Variants in ABR observed in about 807,000 individuals in gnomAD.
ABR encodes the protein ABR activator of RhoGEF and GTPase.
ABR carries 35 observed loss-of-function variants against 107.2 expected under a neutral mutation model. That is an observed-to-expected ratio of 0.33 (90% CI 0.25 to 0.43). The LOEUF (loss-of-function observed/expected upper bound fraction) is 0.43. Among genes scored for constraint, ABR ranks in the 20% least tolerant of loss-of-function variants. ABR has a pLI of 1.00. For synonymous variants in ABR, 498 were observed against 462.0 expected (o/e 1.08, Z -1.00); for missense variants, 815 against 1,115.2 (o/e 0.73, Z 3.83).
chr17:1,182,530 G>A (rs2042168404), upstream of ABR, among the ~76,000 whole-genome samples: 9 of 152,128 alleles, frequency 5.9e-5, no homozygotes, highest in Admixed American at 5.9e-4. Flanking sequence ...ACCACGCCTG[G>A]CTAATTTTTG....
At chr17:1,066,288 T>C (rs1333158635) in intron 10 of ABR, among the ~76,000 whole-genome samples, 1 of 152,196 alleles carries the variant, frequency 6.6e-6, no homozygotes, top group Non-Finnish European at 1.5e-5. Flanking sequence ...TGGCCTATTA[T>C]AGGATAAATG....
At chr17:1,143,030 ACAGCTCATTCCTGGGGGG>A (rs2040362356) in intron 1 of ABR, among the ~76,000 whole-genome samples, 5 of 63,820 alleles carry the variant, frequency 7.8e-5, no homozygotes, top group African/African-American at 2.5e-4. Context: ...CTCCTGGGGG[ACAGCTCATTCCTGGGGGG>A]CAGCTCGCTC....
chr17:1,203,431 C>CGGGGGGCGGGGCCCGCG (rs1344414914), intron 1 of ABR, among the ~76,000 whole-genome samples: 1 of 11,306 alleles, frequency 8.8e-5, no homozygotes, highest in Non-Finnish European at 1.5e-4. Flanking sequence ...GCGGGGCCCG[C>CGGGGGGCGGGGCCCGCG]GGGGACGGAG....
In ABR at chr17:1,174,443, C is replaced by A. The variant is rs548670972; in HGVS notation, c.61+5224G>T. Among the ~76,000 whole-genome samples, 5 of 152,164 alleles carry A rather than the reference C, an allele frequency of 3.3e-5. No homozygotes were observed. The East Asian group carries it at 7.7e-4, about 24-fold the overall frequency. ...CAGGCTGTCAGACCAGTGGCTTGGT[C>A]CCTGGTGTAGAGAATGTGGGGCTCA... On this transcript the variant is annotated intron_variant, in intron 1 of 22. Coordinates refer to ENST00000302538, the MANE Select transcript of ABR (RefSeq NM_021962.5).
At chr17:1,060,103 G>A (rs899632382) in intron 10 of ABR, among the ~76,000 whole-genome samples, 7 of 152,170 alleles carry the variant, frequency 4.6e-5, no homozygotes, top group African/African-American at 1.7e-4. Flanking sequence ...CAGAGCAGGA[G>A]GCAGTTGTTA....
At chr17:1,132,200 A>AAC (rs142747738) in intron 1 of ABR, among the ~76,000 whole-genome samples, 10,927 of 151,414 alleles carry the variant, frequency 0.072, 437 homozygotes, top group Middle Eastern at 0.15. Flanking sequence ...TGTCTCTATG[A>AAC]ACACACACAC....
chr17:1,123,549 C>G lies in ABR; in HGVS notation c.246+1634G>C, dbSNP rs775406638. On this transcript the variant is annotated intron_variant, in intron 2 of 22. Coordinates refer to ENST00000302538, the MANE Select transcript of ABR (RefSeq NM_021962.5). The stretch of plus-strand genomic sequence containing the variant: ...GGACACGGAAACCAGTCATGGTGGT[C>G]ACGCGACAAGGACAGGGCACAGGGA... Among the ~76,000 whole-genome samples, 28 of 152,286 alleles carry G rather than the reference C, an allele frequency of 1.8e-4. No homozygotes were observed. In the Middle Eastern group the frequency reaches 0.01, roughly 55 times the overall value.
chr17:1,108,848 T>G (rs1450066644), intron 2 of ABR: 3 of 1,428,758 alleles, frequency 2.1e-6, no homozygotes, highest in Admixed American at 5.7e-5. Flanking sequence ...CCGCGCGCTC[T>G]GCGCCCGCAT....
chr17:1,106,670 C>G (rs958378461), intron 2 of ABR, among the ~76,000 whole-genome samples: 1 of 151,790 alleles, frequency 6.6e-6, no homozygotes, highest in African/African-American at 2.4e-5. Context: ...GCTGGGATTA[C>G]AGACGCCCAC....
At chr17:1,094,242 C>T (rs114109966) in intron 3 of ABR, among the ~76,000 whole-genome samples, 4,384 of 152,296 alleles carry the variant, frequency 0.029, 214 homozygotes, top group African/African-American at 0.099. Context: ...CTCTGCTGTG[C>T]GCACATCACT....
Position 1,013,333 on chromosome 17 carries a change from C to G in ABR, c.1792-169G>C, listed in dbSNP as rs1416337286. The G allele has an allele frequency of 5.6e-5, 39 of 696,822 alleles. No individual in the cohort carries two copies. In the South Asian group the frequency reaches 6.4e-4, roughly 12 times the overall value. The allele number at this position is 696,822 out of a possible 1,614,324, so 43.2% of individuals were successfully genotyped here. ...AATCAACCCTTTGGGGGGACCCTAG[C>G]CCCCAGGCCCCTGTGGCCGCCGTGG... On this transcript the variant is annotated intron_variant, in intron 16 of 22. Transcript: ENST00000302538.
chr17:1,083,722 C>G (rs2036414417), intron 4 of ABR, 95 bp from the exon 5 acceptor site: 2 of 1,032,572 alleles, frequency 1.9e-6, no homozygotes, highest in Non-Finnish European at 3.0e-6. Flanking sequence ...GGGAGCTCCC[C>G]TGCACTGAAA....
intron 9 of ABR, among the ~76,000 whole-genome samples, chr17:1,067,629 C>T (rs1325241951): frequency 2.6e-5 from 4 of 152,216 alleles, no homozygotes; most frequent in Non-Finnish European, 5.9e-5. Context: ...ATCCTTCAGG[C>T]TAGCAATGGA....
intron 1 of ABR, among the ~76,000 whole-genome samples, chr17:1,175,271 G>C (rs2041877680): frequency 6.6e-6 from 1 of 152,132 alleles, no homozygotes; most frequent in African/African-American, 2.4e-5. Flanking sequence ...AATTAGCCGG[G>C]TGTGGTGGCG....
chr17:1,109,309 G>A (rs1282986295), intron 2 of ABR, among the ~76,000 whole-genome samples: 2 of 151,734 alleles, frequency 1.3e-5, no homozygotes, highest in Non-Finnish European at 2.9e-5. Flanking sequence ...CCCTGACGCC[G>A]TGCCCGGCCC....
In ABR at chr17:1,037,636, GC is replaced by G. The variant is rs1231355489; in HGVS notation, c.1791+12413del. Among the ~76,000 whole-genome samples the G allele has an allele frequency of 6.6e-6, 1 of 152,140 alleles. No homozygotes were observed. Among genetic ancestry groups the G allele is most frequent in the Non-Finnish European group, 1.5e-5 (1 of 68,016 alleles). ...TCAGTATGCTGTCCCTACCGCTGGA[GC>G]CCCCCTGGGCTGCTTGCCTGCTCCT... On this transcript the variant is annotated intron_variant, in intron 16 of 22. Coordinates refer to ENST00000302538, the MANE Select transcript of ABR (RefSeq NM_021962.5). The surrounding 1 kb of genome is among the most constrained non-coding windows in gnomAD (Gnocchi z 4.6).
intron 1 of ABR, among the ~76,000 whole-genome samples, chr17:1,204,363 T>G (rs769205610): frequency 6.6e-6 from 1 of 152,192 alleles, no homozygotes; most frequent in Non-Finnish European, 1.5e-5. Flanking sequence ...GAGAATCGCT[T>G]GAACCCGGGA....
intron 16 of ABR, among the ~76,000 whole-genome samples, chr17:1,034,040 G>A (rs2072998162): frequency 6.8e-6 from 1 of 146,564 alleles, no homozygotes; most frequent in Non-Finnish European, 1.5e-5. Context: ...GTGCAATCTT[G>A]GCTCACTGCA....
intron 16 of ABR, among the ~76,000 whole-genome samples, chr17:1,029,531 C>T (rs577192239): frequency 1.3e-3 from 199 of 152,268 alleles, no homozygotes; most frequent in African/African-American, 4.4e-3. Context: ...TTCTCGCACC[C>T]ACAGCATCAC....
Sources: allele counts gnomAD v4.1 joint callset (sites outside exome capture counted in the v4.1 genomes callset), GRCh38; gene constraint gnomAD v4.1.1; non-coding constraint Gnocchi (gnomAD v3.1); transcripts MANE v1.5; gene names NCBI Gene and HGNC (gene_info 2026-07-23, HGNC 2026-07-21).